BCAT1: variants seen among roughly 807,000 people sequenced by gnomAD.
BCAT1 encodes branched chain amino acid transaminase 1.
BCAT1 carries 48 observed loss-of-function variants against 52.4 expected under a neutral mutation model. The observed-to-expected ratio is 0.92, with a 90% CI of 0.73 to 1.16. BCAT1 has a LOEUF of 1.16. Among genes scored for constraint, BCAT1 ranks in the 50% most tolerant of loss-of-function variants. The pLI is 0.00. For synonymous variants in BCAT1, 167 were observed against 161.3 expected, an observed-to-expected ratio of 1.04 and a Z score of -0.27; for missense variants, 451 against 457.1, an observed-to-expected ratio of 0.99 and a Z score of 0.12.
chr12:24,847,356 C>T (rs1258962468), intron 6 of BCAT1, among the ~76,000 whole-genome samples: 3 of 152,110 alleles, frequency 2.0e-5, no homozygotes, highest in Non-Finnish European at 2.9e-5. Flanking sequence ...ATTAATGAAC[C>T]ACATTGACAT....
rs753802501 is a variant in BCAT1, at chr12:24,943,804, GA to G, written c.6+5122del. On this transcript the variant is annotated intron_variant, in intron 1 of 10. Coordinates refer to ENST00000261192, the MANE Select transcript of BCAT1 (RefSeq NM_005504.7). The stretch of plus-strand genomic sequence containing the variant: ...TCAAGACCTTCCTGGCTAACATGGT[GA>G]AACCCCGTCTCTACAAAAAATACAA... 2.0e-3 allele frequency among the ~76,000 whole-genome samples: 299 copies of G among 151,896 alleles called. 2 individuals are homozygous for G. The highest frequency in any genetic ancestry group is 0.01 in the Middle Eastern group (3 of 294).
intron 5 of BCAT1, among the ~76,000 whole-genome samples, chr12:24,860,225 AG>A (rs1187639106): frequency 2.3e-4 from 35 of 151,454 alleles, no homozygotes; most frequent in Admixed American, 2.3e-3. Flanking sequence ...TAAGATAGAG[AG>A]GAAAAAAACT....
At chr12:24,911,726 C>G (rs1276030103) in intron 1 of BCAT1, among the ~76,000 whole-genome samples, 1 of 152,148 alleles carries the variant, frequency 6.6e-6, no homozygotes, top group African/African-American at 2.4e-5. Flanking sequence ...TCCTCATTTG[C>G]ACTTCCCATC....
In BCAT1 at chr12:24,892,396, A is replaced by G. The variant is rs190082303; in HGVS notation, c.279+1879T>C. Among the ~76,000 whole-genome samples the G allele has an allele frequency of 4.5e-4, 68 of 152,270 alleles. 1 individual carries two copies. The East Asian group carries it at 0.01, about 22-fold the overall frequency. ...TTAAATCATTTCTCATTTACTTCCCATAGGCCAGCAATTCCCAAAATGTGG... is the reference window on the plus strand; with the variant it reads ...TTAAATCATTTCTCATTTACTTCCCGTAGGCCAGCAATTCCCAAAATGTGG... On this transcript the variant is annotated intron_variant, in intron 3 of 10. Coordinates refer to ENST00000261192, the MANE Select transcript of BCAT1 (RefSeq NM_005504.7).
At chr12:24,848,509 T>C (rs1941410275) in intron 6 of BCAT1, among the ~76,000 whole-genome samples, 3 of 152,232 alleles carry the variant, frequency 2.0e-5, no homozygotes, top group African/African-American at 7.2e-5. Flanking sequence ...CTGCAATTTC[T>C]GTGTCCCCAG....
intron 1 of BCAT1, among the ~76,000 whole-genome samples, chr12:24,921,307 A>G (rs1943497899): frequency 6.6e-6 from 1 of 152,182 alleles, no homozygotes; most frequent in South Asian, 2.1e-4. Flanking sequence ...AAGACCACAT[A>G]TATGTATTTC....
chr12:24,901,956 C>T, intron 1 of BCAT1, 71 bp from the exon 2 acceptor site: 1 of 1,612,628 alleles, frequency 6.2e-7, no homozygotes. Flanking sequence ...ACCTACGTGA[C>T]GCTCACCATG....
chr12:24,850,449 C>A (rs1391282121), intron 5 of BCAT1, among the ~76,000 whole-genome samples: 1 of 152,194 alleles, frequency 6.6e-6, no homozygotes, highest in Non-Finnish European at 1.5e-5. Context: ...CATTAGCACA[C>A]CTGCCCACAT....
At chr12:24,909,960 A>C (rs1013939929) in intron 1 of BCAT1, among the ~76,000 whole-genome samples, 1 of 152,192 alleles carries the variant, frequency 6.6e-6, no homozygotes, top group South Asian at 2.1e-4. Flanking sequence ...CATCCAGCCC[A>C]GTCAAGCCTT....
chr12:24,895,209 C>CAA (rs995714146), intron 2 of BCAT1, among the ~76,000 whole-genome samples: 1 of 152,154 alleles, frequency 6.6e-6, no homozygotes, highest in African/African-American at 2.4e-5. Flanking sequence ...ATTAAGCGTA[C>CAA]AAATTGCATG....
chr12:24,837,417 G>A (rs1468343779), intron 7 of BCAT1, among the ~76,000 whole-genome samples: 1 of 150,290 alleles, frequency 6.7e-6, no homozygotes, highest in Non-Finnish European at 1.5e-5. Flanking sequence ...CTGCTTCCAC[G>A]CTGCCCTTGG....
In BCAT1 at chr12:24,915,139, TTTTTA is replaced by T. The variant is rs1943388810; in HGVS notation, c.7-13259_7-13255del. ...GGCTCTTTTTTTTTTGCTTTGATATTTTTTATTTATTATAAAAACTGAGTTTTCAA... is the reference window on the plus strand; with the variant it reads ...GGCTCTTTTTTTTTTGCTTTGATATTTTTATTATAAAAACTGAGTTTTCAA... On this transcript the variant is annotated intron_variant, in intron 1 of 10. Transcript: ENST00000261192. 4.6e-5 allele frequency among the ~76,000 whole-genome samples: 7 copies of T among 152,282 alleles called. No homozygotes were observed. The South Asian group carries it at 1.2e-3, about 27-fold the overall frequency.
intron 9 of BCAT1, chr12:24,830,787 A>T (rs1469539436): frequency 2.0e-5 from 3 of 152,188 alleles, no homozygotes; most frequent in Non-Finnish European, 4.4e-5. Flanking sequence ...CATTCTTATC[A>T]ATGTAAGTAT....
chr12:24,930,419 C>T (rs1006446022), intron 1 of BCAT1, among the ~76,000 whole-genome samples: 5 of 152,242 alleles, frequency 3.3e-5, no homozygotes, highest in East Asian at 3.8e-4. Context: ...AACTCTGGAA[C>T]TGCAAACTGC....
intron 1 of BCAT1, among the ~76,000 whole-genome samples, chr12:24,925,161 C>G (rs1943558922): frequency 6.6e-6 from 1 of 152,170 alleles, no homozygotes; most frequent in African/African-American, 2.4e-5. Context: ...GCAGATTGCC[C>G]TCAATGTGGG....
At chr12:24,864,163 C>T (rs1156402722) in intron 5 of BCAT1, among the ~76,000 whole-genome samples, 2 of 152,088 alleles carry the variant, frequency 1.3e-5, no homozygotes, top group Non-Finnish European at 2.9e-5. Flanking sequence ...TTTGCTAATG[C>T]CTTCTCTAAG....
At chr12:24,882,178 C>T (rs908747803) in intron 3 of BCAT1, among the ~76,000 whole-genome samples, 1 of 152,174 alleles carries the variant, frequency 6.6e-6, no homozygotes, top group African/African-American at 2.4e-5. Context: ...CTTACACAGA[C>T]CAGCTGTAGA....
At chr12:24,931,322 G>A (rs1294375975) in intron 1 of BCAT1, among the ~76,000 whole-genome samples, 1 of 152,006 alleles carries the variant, frequency 6.6e-6, no homozygotes, top group African/African-American at 2.4e-5. Flanking sequence ...CTCAAAAATT[G>A]GACACTAGGA....
chr12:24,929,345 G>A (rs561574749), intron 1 of BCAT1, among the ~76,000 whole-genome samples: 81 of 152,284 alleles, frequency 5.3e-4, no homozygotes, highest in African/African-American at 1.8e-3. Flanking sequence ...ACATCCAACA[G>A]AAATGGGGTT....
Sources: allele counts gnomAD v4.1 joint callset (sites outside exome capture counted in the v4.1 genomes callset), GRCh38; gene constraint gnomAD v4.1.1; transcripts MANE v1.5; gene names NCBI Gene and HGNC (gene_info 2026-07-23, HGNC 2026-07-21).